Variants in PLEKHA5 observed in about 807,000 individuals in gnomAD.
PLEKHA5 encodes the protein pleckstrin homology domain containing A5.
Under a neutral mutation model 181.9 loss-of-function variants are expected in PLEKHA5, and 55 were observed. The observed-to-expected ratio is 0.30, with a 90% CI of 0.24 to 0.38. The LOEUF is 0.38. PLEKHA5 is among the 10% of genes least tolerant of loss of function. The pLI, the probability that PLEKHA5 is intolerant of heterozygous loss-of-function variation, is 1.00. For missense variants in PLEKHA5, 1,432 were observed against 1,549.5 expected (o/e 0.92, Z 1.27); for synonymous variants, 535 against 529.4 (o/e 1.01, Z -0.15).
chr12:19,186,557 C>T (rs1320177283), intron 3 of PLEKHA5, among the ~76,000 whole-genome samples: 2 of 152,166 alleles, frequency 1.3e-5, no homozygotes, highest in Non-Finnish European at 2.9e-5. Flanking sequence ...ATAATGCCAA[C>T]TACTTTCTAA....
chr12:19,273,645 G>A (rs1304655951), intron 10 of PLEKHA5, among the ~76,000 whole-genome samples: 1 of 152,098 alleles, frequency 6.6e-6, no homozygotes. Flanking sequence ...TTAGGCTCAG[G>A]GAAAGACCTA....
intron 15 of PLEKHA5, among the ~76,000 whole-genome samples, chr12:19,302,906 A>ATTT (rs34702332): frequency 0.076 from 4,105 of 54,218 alleles, 711 homozygotes; most frequent in South Asian, 0.1. Flanking sequence ...TCTGTATGAA[A>ATTT]TTTTTTTTTT....
intron 3 of PLEKHA5, among the ~76,000 whole-genome samples, chr12:19,225,253 T>C (rs1452684341): frequency 3.3e-5 from 5 of 152,158 alleles, no homozygotes; most frequent in Admixed American, 2.6e-4. Context: ...TGGGGAGAGA[T>C]GATAAACCAT....
chr12:19,133,021 A>G (rs2034477825), intron 3 of PLEKHA5, among the ~76,000 whole-genome samples: 2 of 151,154 alleles, frequency 1.3e-5, no homozygotes, highest in South Asian at 2.1e-4. Context: ...GCACAATTTG[A>G]TAAACAATGA....
chr12:19,247,944 AG>A (rs2064203309), intron 3 of PLEKHA5, among the ~76,000 whole-genome samples: 1 of 151,310 alleles, frequency 6.6e-6, no homozygotes, highest in East Asian at 1.9e-4. Context: ...AAAGAGAGAG[AG>A]AGAGAGAGAC....
chr12:19,132,181 C>A (rs1464014806), intron 2 of PLEKHA5, among the ~76,000 whole-genome samples: 1 of 152,108 alleles, frequency 6.6e-6, no homozygotes, highest in Non-Finnish European at 1.5e-5. Flanking sequence ...GTCAGATAAT[C>A]TCTAATATTA....
intron 3 of PLEKHA5, chr12:19,152,984 T>A (rs1350563077): frequency 1.5e-5 from 2 of 136,754 alleles, no homozygotes; most frequent in Admixed American, 1.7e-4. Flanking sequence ...CTTCTGTAAA[T>A]TAACACAGGT....
intron 27 of PLEKHA5, 104 bp from the exon 28 acceptor site, chr12:19,359,307 GT>G (rs2095107506): frequency 2.1e-6 from 2 of 951,298 alleles, no homozygotes; most frequent in Non-Finnish European, 3.1e-6. Context: ...TTCTTCATGA[GT>G]GGAGATCCAG....
chr12:19,359,189 C>T (rs183577866), intron 27 of PLEKHA5, among the ~76,000 whole-genome samples: 4 of 152,264 alleles, frequency 2.6e-5, no homozygotes, highest in Admixed American at 6.5e-5. Context: ...TGAATTGTGG[C>T]ACATTCTGCA....
In PLEKHA5 at chr12:19,287,351, A is replaced by G. The variant is rs549648096; in HGVS notation, c.1780-122A>G. 8.4e-4 allele frequency: 595 copies of G among 708,660 alleles called. 4 individuals are homozygous for G. The highest frequency in any genetic ancestry group is 3.5e-4 in the Non-Finnish European group (138 of 392,016). The allele number at this position is 708,660 out of a possible 1,614,324, so 43.9% of individuals were successfully genotyped here. On this transcript the variant is annotated intron_variant, in intron 12 of 31. Coordinates refer to ENST00000429027, the MANE Select transcript of PLEKHA5 (RefSeq NM_001256470.2). ...GAAATGTTAGTCTCTATCATCTTTC[A>G]TAAGCACTAATAGCAATTTTAAATG... is the stretch of plus-strand genomic sequence containing the variant.
chr12:19,179,077 A>T (rs1439245202), intron 3 of PLEKHA5, among the ~76,000 whole-genome samples: 1 of 152,226 alleles, frequency 6.6e-6, no homozygotes, highest in Non-Finnish European at 1.5e-5. Flanking sequence ...ACATGATTAC[A>T]TTATGTTTTT....
At chr12:19,324,954 T>C (rs1344088721) in intron 20 of PLEKHA5, among the ~76,000 whole-genome samples, 1 of 152,250 alleles carries the variant, frequency 6.6e-6, no homozygotes, top group African/African-American at 2.4e-5. Context: ...TGATTTGGTA[T>C]CTGCTCTTGA....
chr12:19,214,894 T>C (rs1206066656), intron 3 of PLEKHA5, among the ~76,000 whole-genome samples: 1 of 151,576 alleles, frequency 6.6e-6, no homozygotes, highest in Non-Finnish European at 1.5e-5. Flanking sequence ...AAAAAAAAAA[T>C]TGGCTGGGTG....
intron 16 of PLEKHA5, 77 bp from the exon 17 acceptor site, chr12:19,319,944 G>C (rs1461998454): frequency 1.1e-6 from 1 of 924,152 alleles, no homozygotes; most frequent in African/African-American, 1.7e-5. Flanking sequence ...TTATAACATA[G>C]GCTTTCAGTT....
intron 20 of PLEKHA5, among the ~76,000 whole-genome samples, chr12:19,330,878 A>G (rs1355036749): frequency 6.6e-6 from 1 of 152,150 alleles, no homozygotes; most frequent in Admixed American, 6.6e-5. Flanking sequence ...TTAATTTGTA[A>G]TATTACTTAA....
intron 3 of PLEKHA5, among the ~76,000 whole-genome samples, chr12:19,207,057 TA>T (rs2055717100): frequency 6.6e-6 from 1 of 152,170 alleles, no homozygotes; most frequent in Admixed American, 6.5e-5. Context: ...TTTTTTCAAC[TA>T]AAATATTTCA....
intron 5 of PLEKHA5, 121 bp from the exon 6 acceptor site, chr12:19,257,312 A>G (rs926748394): frequency 1.8e-6 from 1 of 552,734 alleles, no homozygotes. Context: ...ATTTTTCTGA[A>G]AAGATTTAAG....
intron 3 of PLEKHA5, among the ~76,000 whole-genome samples, chr12:19,132,975 G>T: frequency 6.7e-6 from 1 of 148,236 alleles, no homozygotes. Flanking sequence ...TTTTGACCAG[G>T]GCTGTTTATA....
chr12:19,149,319 G>A (rs909082721), intron 3 of PLEKHA5, among the ~76,000 whole-genome samples: 9 of 151,752 alleles, frequency 5.9e-5, no homozygotes, highest in African/African-American at 1.9e-4. Context: ...TGGCTAGCAC[G>A]GTGAAACCCC....
Sources: gnomAD v4.1 joint callset for allele counts (sites outside exome capture counted in the v4.1 genomes callset) on GRCh38, gnomAD v4.1.1 for gene constraint, MANE v1.5 for transcripts, NCBI Gene and HGNC (gene_info 2026-07-23, HGNC 2026-07-21) for gene names.